The following MGAT4C variants were observed in gnomAD, a reference collection of about 807,000 sequenced individuals.
The protein encoded by MGAT4C is alpha-1,3-mannosyl-glycoprotein 4-beta-N-acetylglucosaminyltransferase C.
In MGAT4C, 19 loss-of-function variants were observed where a neutral mutation model predicts 40.1. That is an observed-to-expected ratio of 0.47 (90% CI 0.33 to 0.70). MGAT4C has a LOEUF of 0.70. Among genes scored for constraint, MGAT4C ranks in the 30% least tolerant of loss-of-function variants. The pLI, the probability that MGAT4C is intolerant of heterozygous loss-of-function variation, is 0.02. For missense variants in MGAT4C, 491 were observed against 563.2 expected (o/e 0.87, Z 1.30); for synonymous variants, 181 against 187.1 (o/e 0.97, Z 0.27).
intron 2 of MGAT4C, among the ~76,000 whole-genome samples, chr12:86,620,499 A>G (rs1962600829): frequency 6.6e-6 from 1 of 152,180 alleles, no homozygotes; most frequent in South Asian, 2.1e-4. Flanking sequence ...TACTTATTAG[A>G]TGGAAATAAA....
At chr12:86,164,110 T>G (rs1450028729) in intron 1 of MGAT4C, among the ~76,000 whole-genome samples, 5 of 152,130 alleles carry the variant, frequency 3.3e-5, no homozygotes, top group Admixed American at 2.6e-4. Flanking sequence ...TCAGATGCCT[T>G]TGAGAGTAAA....
At chr12:86,491,200 G>A (rs973422348) in intron 2 of MGAT4C, among the ~76,000 whole-genome samples, 27 of 151,992 alleles carry the variant, frequency 1.8e-4, no homozygotes, top group Admixed American at 7.9e-4. Context: ...ATTCACAGCC[G>A]AATGCTACCA....
chr12:86,353,711 G>C (rs1005292731), intron 3 of MGAT4C, among the ~76,000 whole-genome samples: 4 of 152,152 alleles, frequency 2.6e-5, no homozygotes, highest in African/African-American at 9.7e-5. Context: ...AAAATACTCA[G>C]AAAATAATCC....
At chr12:86,638,333 C>A (rs910727850) in intron 2 of MGAT4C, among the ~76,000 whole-genome samples, 3 of 151,762 alleles carry the variant, frequency 2.0e-5, no homozygotes, top group African/African-American at 7.3e-5. Flanking sequence ...GGACAGCTGA[C>A]CACAAAGTGA....
intron 1 of MGAT4C, among the ~76,000 whole-genome samples, chr12:86,065,796 AT>A (rs1894482814): frequency 1.3e-5 from 2 of 152,208 alleles, no homozygotes; most frequent in South Asian, 4.1e-4. Context: ...ACATGATTGT[AT>A]GTTTAGAAAA....
intron 1 of MGAT4C, among the ~76,000 whole-genome samples, chr12:86,821,350 T>G (rs1160879116): frequency 6.6e-6 from 1 of 150,744 alleles, no homozygotes; most frequent in Non-Finnish European, 1.5e-5. Flanking sequence ...TTAAGCAACG[T>G]TTAATCTTTT....
At chr12:86,337,238 G>T (rs61359740) in intron 3 of MGAT4C, among the ~76,000 whole-genome samples, 12,255 of 152,102 alleles carry the variant, frequency 0.081, 1,216 homozygotes, top group East Asian at 0.24. Context: ...GAAATTGCTG[G>T]AGTGTTTTTA....
At chr12:86,158,908 A>T (rs1034825926) in intron 1 of MGAT4C, among the ~76,000 whole-genome samples, 5 of 152,116 alleles carry the variant, frequency 3.3e-5, no homozygotes, top group Non-Finnish European at 4.4e-5. Flanking sequence ...GCTTAACTAA[A>T]ATTGTTTATC....
intron 4 of MGAT4C, among the ~76,000 whole-genome samples, chr12:86,321,337 A>C (rs1429291086): frequency 6.6e-6 from 1 of 152,166 alleles, no homozygotes; most frequent in African/African-American, 2.4e-5. Context: ...TTGTATTTCT[A>C]TCTCTATTTT....
chr12:86,756,327 C>A (rs961368358), intron 1 of MGAT4C, among the ~76,000 whole-genome samples: 1 of 152,082 alleles, frequency 6.6e-6, no homozygotes, highest in African/African-American at 2.4e-5. Flanking sequence ...TCATGTGAGT[C>A]CCGCCTACAC....
chr12:86,055,401 T>C (rs536597299), intron 1 of MGAT4C, among the ~76,000 whole-genome samples: 3 of 152,124 alleles, frequency 2.0e-5, no homozygotes, highest in South Asian at 2.1e-4. Context: ...TGAGCTGAAA[T>C]TGTACATTAG....
chr12:85,960,585 T>C lies in MGAT4C; in HGVS notation c.*18704A>G, dbSNP rs1482625321. 1 of 152,072 alleles carries C rather than the reference T, an allele frequency of 6.6e-6. No individual in the cohort carries two copies. The highest frequency in any genetic ancestry group is 2.4e-5 in the African/African-American group (1 of 41,460). 9.4% of individuals were successfully genotyped at this position (152,072 alleles called of 1,614,324 possible). A position where few individuals can be genotyped will look rare whatever the true frequency, so the allele number is the denominator to read the frequency against. On this transcript the variant is annotated 3_prime_UTR_variant, in exon 5 of 5. Coordinates refer to ENST00000611864, the MANE Select transcript of MGAT4C (RefSeq NM_001351288.2). The stretch of plus-strand genomic sequence containing the variant: ...TTCAGACTAATTTGGATCATGATTA[T>C]TGGCCTGTGTCCCACCCATTATTCA...
chr12:86,063,432 A>G (rs776356904), intron 1 of MGAT4C, among the ~76,000 whole-genome samples: 1 of 152,216 alleles, frequency 6.6e-6, no homozygotes, highest in Non-Finnish European at 1.5e-5. Flanking sequence ...ACCAAATTGT[A>G]AAGGTCATTG....
chr12:86,447,825 T>C (rs1390098204), intron 2 of MGAT4C, among the ~76,000 whole-genome samples: 1 of 152,164 alleles, frequency 6.6e-6, no homozygotes, highest in African/African-American at 2.4e-5. Flanking sequence ...TGTTTTGTAC[T>C]TGCTGATCTC....
intron 1 of MGAT4C, among the ~76,000 whole-genome samples, chr12:86,247,523 T>C (rs992303672): frequency 2.0e-5 from 3 of 152,174 alleles, no homozygotes; most frequent in East Asian, 3.9e-4. Context: ...ATGGAAACTT[T>C]TGAAAGTGTT....
chr12:86,030,189 G>A (rs1479043139), intron 2 of MGAT4C, among the ~76,000 whole-genome samples: 4 of 151,708 alleles, frequency 2.6e-5, no homozygotes, highest in Admixed American at 1.3e-4. Flanking sequence ...CAACTCTTAA[G>A]TGACAGAATA....
chr12:86,566,525 CATATACATATATATAT>C lies in MGAT4C; in HGVS notation c.-228-131276_-228-131261del, dbSNP rs1301155906. 1.3e-3 allele frequency among the ~76,000 whole-genome samples: 93 copies of C among 70,958 alleles called. 1 individual carries two copies. The highest frequency in any genetic ancestry group is 3.9e-3 in the South Asian group (6 of 1,530). The allele number at this position is 70,958 out of a possible 152,430, so 46.6% of individuals were successfully genotyped here. ...CATGTGAGTTAATACTTAGTAAACT[CATATACATATATATAT>C]ATATATATATATATATATATATATA... On this transcript the variant is annotated intron_variant, in intron 2 of 7. Coordinates refer to the MGAT4C transcript ENST00000548651.
chr12:86,309,990 C>T (rs534459454), intron 4 of MGAT4C, among the ~76,000 whole-genome samples: 1 of 149,540 alleles, frequency 6.7e-6, no homozygotes, highest in Non-Finnish European at 1.5e-5. Context: ...GATAAAGCAA[C>T]AAAAAGAAGA....
At chr12:86,494,290 A>T (rs534072896) in intron 2 of MGAT4C, among the ~76,000 whole-genome samples, 26 of 151,886 alleles carry the variant, frequency 1.7e-4, no homozygotes, top group Non-Finnish European at 3.1e-4. Flanking sequence ...TCACATTATT[A>T]AAAAAAACCT....
Sources: allele counts gnomAD v4.1 joint callset (sites outside exome capture counted in the v4.1 genomes callset), GRCh38; gene constraint gnomAD v4.1.1; transcripts MANE v1.5; gene names NCBI Gene and HGNC (gene_info 2026-07-23, HGNC 2026-07-21).